Variants in SVOPL observed in about 807,000 individuals in gnomAD.
SVOPL encodes SVOP like, also known as putative transporter SVOPL.
Under a neutral mutation model 61.0 loss-of-function variants are expected in SVOPL, and 60 were observed. The ratio of observed to expected loss-of-function variants is 0.98; its 90% CI spans 0.80 to 1.22. SVOPL has a LOEUF of 1.22. Among genes scored for constraint, SVOPL ranks in the 50% most tolerant of loss-of-function variants. SVOPL has a pLI of 0.00. For missense variants in SVOPL, 662 were observed against 643.9 expected (o/e 1.03, Z -0.30); for synonymous variants, 279 against 250.0 (o/e 1.12, Z -1.09).
In SVOPL at chr7:138,626,039, A is replaced by G. The variant is rs1454505919; in HGVS notation, c.1193T>C (p.Ile398Thr). 10 of 1,614,152 alleles carry G rather than the reference A, an allele frequency of 6.2e-6. No homozygotes were observed. The highest frequency in any genetic ancestry group is 7.6e-6 in the Non-Finnish European group (9 of 1,180,028). ...AGCCCTCAGCATGAAGAGGAAGCCA[A>G]TCAGGCCGGCACTAGAAAACAGGAA... Reference protein sequence around the residue: ...LNICTSSAGLIGFLFMLRALV... With the variant: ...LNICTSSAGLTGFLFMLRALV... Residue 398 changes from isoleucine to threonine, a missense_variant, in exon 13 of 16, where the codon ATT (isoleucine) becomes ACT (threonine). By Grantham distance (89) the Ile-to-Thr change is moderately conservative (BLOSUM62 -1). Coordinates refer to ENST00000674285, the MANE Select transcript of SVOPL (RefSeq NM_001139456.2).
chr7:138,628,016 G>A, intron 11 of SVOPL, 142 bp downstream of exon 11: 1 of 920,622 alleles, frequency 1.1e-6, no homozygotes, highest in South Asian at 1.6e-5. Context: ...ATCCAAACTG[G>A]AGATTTTTCA....
intron 1 of SVOPL, among the ~76,000 whole-genome samples, chr7:138,687,389 C>G (rs1389158562): frequency 2.0e-5 from 3 of 151,514 alleles, no homozygotes; most frequent in African/African-American, 7.3e-5. Flanking sequence ...GTGCACACCA[C>G]CATGCCCAGC....
chr7:138,697,225 C>A (rs557177899), intron 1 of SVOPL, among the ~76,000 whole-genome samples: 40 of 151,980 alleles, frequency 2.6e-4, no homozygotes, highest in Non-Finnish European at 3.2e-4. Context: ...AATACTACTA[C>A]TAATAACTTT....
At chr7:138,642,276 C>A (rs911142294) in intron 9 of SVOPL, among the ~76,000 whole-genome samples, 23 of 94,380 alleles carry the variant, frequency 2.4e-4, no homozygotes, top group African/African-American at 1.0e-3. Flanking sequence ...GAAAATAAAA[C>A]GGAAATTAGC....
At chr7:138,627,806 T>G (rs999690176) in intron 11 of SVOPL, among the ~76,000 whole-genome samples, 3 of 152,186 alleles carry the variant, frequency 2.0e-5, no homozygotes, top group African/African-American at 7.2e-5. Context: ...CAGTTTAACA[T>G]TCAGCCATTG....
intron 14 of SVOPL, among the ~76,000 whole-genome samples, chr7:138,611,899 C>CAACA (rs1554453540): frequency 3.4e-4 from 11 of 32,062 alleles, no homozygotes; most frequent in Admixed American, 3.9e-4. Context: ...GAGGTGTGCC[C>CAACA]AACAGCTCAT....
intron 14 of SVOPL, among the ~76,000 whole-genome samples, chr7:138,600,940 C>T (rs1798489803): frequency 6.6e-6 from 1 of 152,014 alleles, no homozygotes; most frequent in Non-Finnish European, 1.5e-5. Flanking sequence ...TTCAGCAATC[C>T]CTCTGCTGGA....
chr7:138,625,427 T>G (rs1799849192), intron 13 of SVOPL, among the ~76,000 whole-genome samples: 1 of 152,190 alleles, frequency 6.6e-6, no homozygotes, highest in Admixed American at 6.6e-5. Flanking sequence ...AAATATTGTT[T>G]CATTTCTAGG....
intron 14 of SVOPL, among the ~76,000 whole-genome samples, chr7:138,603,955 C>CTTTTTT (rs560678707): frequency 1.8e-4 from 20 of 109,248 alleles, no homozygotes; most frequent in Non-Finnish European, 2.4e-4. Flanking sequence ...TTAATTTATT[C>CTTTTTT]TTTTTTTTTT....
chr7:138,689,374 CT>C lies in SVOPL; in HGVS notation c.-34-10296del, dbSNP rs1802889326. On this transcript the variant is annotated intron_variant, in intron 1 of 15. Coordinates refer to ENST00000674285, the MANE Select transcript of SVOPL (RefSeq NM_001139456.2). ...AAGATGCGCCGCCGGATCGACAGAG[CT>C]TATGGTCGGATTTACCCATGCATGA... 4.5e-6 allele frequency: 7 copies of C among 1,572,598 alleles called. No homozygotes were observed. In the Admixed American group the frequency reaches 1.2e-4, roughly 26 times the overall value.
chr7:138,657,053 AAAG>A lies in SVOPL; in HGVS notation c.471-545_471-543del, dbSNP rs1465262010. On this transcript the variant is annotated intron_variant, in intron 6 of 15. Transcript: ENST00000674285. ...CTCCATGTTGAAAAGACAAAAAAAA[AAAG>A]AAATATAAGCCTTATCTGTTTTGCC... is the stretch of plus-strand genomic sequence containing the variant. Among the ~76,000 whole-genome samples the A allele has an allele frequency of 8.5e-5, 13 of 152,122 alleles. No homozygotes were observed. In the East Asian group the frequency reaches 1.7e-3, roughly 20 times the overall value.
At chr7:138,670,261 T>C (rs1260712619) in intron 4 of SVOPL, among the ~76,000 whole-genome samples, 5 of 152,020 alleles carry the variant, frequency 3.3e-5, no homozygotes, top group African/African-American at 1.2e-4. Context: ...CTTTATAAAG[T>C]AATAAAAGGC....
chr7:138,645,962 C>T (rs925015390), intron 8 of SVOPL: 5 of 158,428 alleles, frequency 3.2e-5, no homozygotes, highest in Non-Finnish European at 5.5e-5. Context: ...ATTACAGGCA[C>T]GCACCACCAC....
intron 9 of SVOPL, among the ~76,000 whole-genome samples, chr7:138,640,896 C>T (rs1417666395): frequency 6.6e-6 from 1 of 152,032 alleles, no homozygotes; most frequent in Non-Finnish European, 1.5e-5. Context: ...CACACATGTA[C>T]CCCCTGAATC....
chr7:138,630,565 G>A (rs997527018), intron 9 of SVOPL, among the ~76,000 whole-genome samples: 4 of 152,140 alleles, frequency 2.6e-5, no homozygotes, highest in Non-Finnish European at 4.4e-5. Flanking sequence ...AGGAGAGAAC[G>A]CCTAATTTCT....
At position 138,621,098 on chromosome 7, in the gene SVOPL, G is replaced by C; in HGVS notation, c.1301C>G (p.Thr434Ser). The part of the protein sequence containing the change: ...PTTMRALGMG[T>S]SGSLCRIGAM... ...ACCAATGCGACACAGGGAGCCGCTG[G>C]TTCCCATCCCCAAAGCGCGCATCGT... is the stretch of plus-strand genomic sequence containing the variant. The change falls in exon 14 of 16, where the codon ACC (threonine) becomes AGC (serine). Residue 434 changes from threonine to serine, a missense_variant. Coordinates refer to ENST00000674285, the MANE Select transcript of SVOPL (RefSeq NM_001139456.2). The C allele has an allele frequency of 6.2e-7, 1 of 1,613,738 alleles. No individual in the cohort carries two copies. Among genetic ancestry groups the C allele is most frequent in the Non-Finnish European group, 8.5e-7 (1 of 1,179,884 alleles).
intron 4 of SVOPL, among the ~76,000 whole-genome samples, chr7:138,665,879 AGAG>A (rs1376705397): frequency 6.6e-6 from 1 of 152,228 alleles, no homozygotes; most frequent in African/African-American, 2.4e-5. Context: ...TGTAGGCAAC[AGAG>A]GAGGAGCTCT....
chr7:138,644,378 A>C (rs1447909574), intron 9 of SVOPL, among the ~76,000 whole-genome samples: 1 of 152,182 alleles, frequency 6.6e-6, no homozygotes, highest in Non-Finnish European at 1.5e-5. Context: ...AAGTCATGTA[A>C]TGAGGTTTAT....
chr7:138,646,137 T>C (rs967660560), intron 8 of SVOPL: 4 of 206,376 alleles, frequency 1.9e-5, no homozygotes, highest in African/African-American at 7.1e-5. Flanking sequence ...GATCATTTTC[T>C]GCACGAGTTT....
Sources: allele counts gnomAD v4.1 joint callset (sites outside exome capture counted in the v4.1 genomes callset), GRCh38; gene constraint gnomAD v4.1.1; transcripts MANE v1.5; gene names NCBI Gene and HGNC (gene_info 2026-07-23, HGNC 2026-07-21).